The following VSNL1 variants were observed in gnomAD, a reference collection of about 807,000 sequenced individuals.
The protein encoded by VSNL1 is visinin like 1, also known as visinin-like protein 1.
A neutral mutation model predicts 20.4 loss-of-function variants in VSNL1; 6 were observed. The observed-to-expected ratio is 0.29, with a 90% confidence interval of 0.16 to 0.58. VSNL1 has a LOEUF of 0.58. VSNL1 is among the 20% of genes least tolerant of loss of function. The pLI is 0.90. For synonymous variants in VSNL1, 93 were observed against 86.4 expected (o/e 1.08, Z -0.42); for missense variants, 100 against 234.5 (o/e 0.43, Z 3.75).
In VSNL1 at chr2:17,655,679, G is replaced by T; in HGVS notation, c.*285G>T. The T allele has an allele frequency of 3.2e-6, 1 of 312,952 alleles. No individual in the cohort carries two copies. Among genetic ancestry groups the T allele is most frequent in the Non-Finnish European group, 6.1e-6 (1 of 165,262 alleles). The allele number at this position is 312,952 out of a possible 1,614,324, so 19.4% of individuals were successfully genotyped here. ...AAATCCCTCTTCCTCCAAAGCCTGG[G>T]CAGAAATGTGCTGCAAAGAGTTATA... is the stretch of plus-strand genomic sequence containing the variant. On this transcript the variant is annotated 3_prime_UTR_variant, in exon 4 of 4. Transcript: ENST00000295156. The surrounding 1 kb of genome is among the most constrained non-coding windows in gnomAD (Gnocchi z 5.2).
At chr2:17,583,376 A>G (rs1664396146) in intron 1 of VSNL1, among the ~76,000 whole-genome samples, 1 of 152,240 alleles carries the variant, frequency 6.6e-6, no homozygotes, top group African/African-American at 2.4e-5. Flanking sequence ...TTGGCAGCAC[A>G]ACCTAGAACA....
chr2:17,614,926 GC>G, intron 2 of VSNL1, among the ~76,000 whole-genome samples: 1 of 152,330 alleles, frequency 6.6e-6, no homozygotes, highest in Middle Eastern at 3.4e-3. Flanking sequence ...CCTAGCATAT[GC>G]CTGCACTTAG....
At chr2:17,652,474 GA>G (rs1228236707) in intron 3 of VSNL1, among the ~76,000 whole-genome samples, 4 of 152,226 alleles carry the variant, frequency 2.6e-5, no homozygotes, top group South Asian at 2.1e-4. Flanking sequence ...AACCAGCTGA[GA>G]ATAGTTTCAG....
chr2:17,647,076 C>A (rs144599720), intron 2 of VSNL1, among the ~76,000 whole-genome samples: 1 of 152,178 alleles, frequency 6.6e-6, no homozygotes, highest in Admixed American at 6.5e-5. Context: ...AGTATATAGA[C>A]CTTCTGCAAG....
At chr2:17,639,314 G>T (rs187792173) in intron 2 of VSNL1, among the ~76,000 whole-genome samples, 402 of 152,290 alleles carry the variant, frequency 2.6e-3, no homozygotes, top group Middle Eastern at 0.01. Context: ...ATCCTGCAAG[G>T]TGAAATCCAC....
intron 2 of VSNL1, among the ~76,000 whole-genome samples, chr2:17,599,941 C>G (rs1664789196): frequency 1.3e-5 from 2 of 152,172 alleles, no homozygotes; most frequent in African/African-American, 4.8e-5. Context: ...TCATGTTGCT[C>G]CATCCTAGCC....
At chr2:17,642,494 G>A (rs1351265583) in intron 2 of VSNL1, among the ~76,000 whole-genome samples, 2 of 151,938 alleles carry the variant, frequency 1.3e-5, no homozygotes, top group Non-Finnish European at 2.9e-5. Flanking sequence ...ATATTTAGTA[G>A]AGACAGGGTT....
In VSNL1 at chr2:17,655,256, G is replaced by A. The variant is rs759299878; in HGVS notation, c.438G>A (p.Thr146=). 14 of 1,614,014 alleles carry A rather than the reference G, an allele frequency of 8.7e-6. No individual in the cohort carries two copies. The highest frequency in any genetic ancestry group is 8.0e-5 in the African/African-American group (6 of 74,914). ...IMMKMNEDGL[T]PEQRVDKIFS... ...TGAAAATGAATGAGGATGGCCTGAC[G>A]CCTGAGCAGCGAGTAGACAAGATTT... Residue 146 remains threonine (T), a synonymous_variant, in exon 4 of 4, where the codon ACG becomes ACA. Transcript: ENST00000295156. This position sits in a 1 kb window ranked among gnomAD's most constrained non-coding sequence, Gnocchi z 5.2.
chr2:17,590,861 G>A (rs1664579236), intron 1 of VSNL1, among the ~76,000 whole-genome samples: 1 of 152,116 alleles, frequency 6.6e-6, no homozygotes, highest in South Asian at 2.1e-4. Flanking sequence ...CCCTAACTCA[G>A]TATCTTTTAA....
intron 1 of VSNL1, among the ~76,000 whole-genome samples, chr2:17,558,647 G>A (rs1244597602): frequency 2.0e-5 from 3 of 152,224 alleles, no homozygotes; most frequent in East Asian, 3.9e-4. Context: ...TTTCTTAACT[G>A]CTCTCCACTG....
At chr2:17,610,253 C>T (rs1232742020) in intron 2 of VSNL1, among the ~76,000 whole-genome samples, 2 of 152,122 alleles carry the variant, frequency 1.3e-5, no homozygotes, top group African/African-American at 4.8e-5. Context: ...TCTATAAAAG[C>T]CTCAAATTAG....
rs1339360162 is a variant in VSNL1, at chr2:17,557,379, A to G, written c.-6+16461A>G. ...ACATCATTTGCCTAGCACTAAGTGAACTAAAACAACCATAATCCCTGCCTT... is the reference window on the plus strand; with the variant it reads ...ACATCATTTGCCTAGCACTAAGTGAGCTAAAACAACCATAATCCCTGCCTT... On this transcript the variant is annotated intron_variant, in intron 1 of 3. Coordinates refer to ENST00000295156, the MANE Select transcript of VSNL1 (RefSeq NM_003385.5). Among the ~76,000 whole-genome samples the G allele has an allele frequency of 3.3e-5, 5 of 152,336 alleles. No individual in the cohort carries two copies. In the East Asian group the frequency reaches 7.7e-4, roughly 23 times the overall value.
chr2:17,552,551 C>T (rs900872133), intron 1 of VSNL1, among the ~76,000 whole-genome samples: 2 of 152,084 alleles, frequency 1.3e-5, no homozygotes, highest in African/African-American at 4.8e-5. Context: ...AGTATTAAGT[C>T]CACTTTGTTT....
chr2:17,565,996 T>G (rs534042250), intron 1 of VSNL1, among the ~76,000 whole-genome samples: 1 of 152,186 alleles, frequency 6.6e-6, no homozygotes, highest in Non-Finnish European at 1.5e-5. Context: ...CCTTCTGCTG[T>G]GATTGTAAGT....
intron 2 of VSNL1, among the ~76,000 whole-genome samples, chr2:17,616,876 G>A (rs1665229645): frequency 6.6e-6 from 1 of 152,160 alleles, no homozygotes; most frequent in African/African-American, 2.4e-5. Context: ...GGGTGAGCTG[G>A]TCATCCATTC....
At chr2:17,601,588 A>AT (rs1346908196) in intron 2 of VSNL1, among the ~76,000 whole-genome samples, 1 of 151,654 alleles carries the variant, frequency 6.6e-6, no homozygotes, top group Non-Finnish European at 1.5e-5. Context: ...GTGAGCCAAG[A>AT]TCACGCCATT....
At position 17,655,497 on chromosome 2, in the gene VSNL1, AC is replaced by A; in HGVS notation, c.*104del. The stretch of plus-strand genomic sequence containing the variant: ...CACACACACACACACACACACACAC[AC>A]ACAAATATTGCTTGGACTACCTATA... On this transcript the variant is annotated 3_prime_UTR_variant, in exon 4 of 4. Coordinates refer to ENST00000295156, the MANE Select transcript of VSNL1 (RefSeq NM_003385.5). The surrounding 1 kb of genome is among the most constrained non-coding windows in gnomAD (Gnocchi z 5.2). 2 of 1,092,414 alleles carry A rather than the reference AC, an allele frequency of 1.8e-6. No individual in the cohort carries two copies. The highest frequency in any genetic ancestry group is 2.6e-6 in the Non-Finnish European group (2 of 760,138). 67.7% of individuals were successfully genotyped at this position (1,092,414 alleles called of 1,614,324 possible). A position where few individuals can be genotyped will look rare whatever the true frequency, so the allele number is the denominator to read the frequency against.
chr2:17,607,476 G>T (rs62132143), intron 2 of VSNL1, among the ~76,000 whole-genome samples: 8,236 of 152,316 alleles, frequency 0.054, 259 homozygotes, highest in East Asian at 0.092. Context: ...AGAGTGGTCA[G>T]TGAGTAGGAG....
At position 17,575,610 on chromosome 2, in the gene VSNL1, A is replaced by T. The variant is rs993022625; in HGVS notation, c.-5-16460A>T. On this transcript the variant is annotated intron_variant, in intron 1 of 3. Transcript: ENST00000295156. ...GAGTGCAGTGGCATGATTTCTGCTC[A>T]CTGCAACCTCCGCCTCCCAGGTTCA... Among the ~76,000 whole-genome samples the T allele has an allele frequency of 9.9e-5, 15 of 151,854 alleles. No homozygotes were observed. In the South Asian group the frequency reaches 1.2e-3, roughly 13 times the overall value.
Sources: gnomAD v4.1 joint callset for allele counts (sites outside exome capture counted in the v4.1 genomes callset) on GRCh38, gnomAD v4.1.1 for gene constraint, Gnocchi (gnomAD v3.1) non-coding constraint, MANE v1.5 for transcripts, NCBI Gene and HGNC (gene_info 2026-07-23, HGNC 2026-07-21) for gene names.